Variants in SPOCK3 observed in about 807,000 individuals in gnomAD.
SPOCK3 encodes SPARC (osteonectin), cwcv and kazal like domains proteoglycan 3.
A neutral mutation model predicts 56.6 loss-of-function variants in SPOCK3; 30 were observed. The ratio of observed to expected loss-of-function variants is 0.53; its 90% CI spans 0.40 to 0.72. SPOCK3 has a LOEUF of 0.72. Among genes scored for constraint, SPOCK3 ranks in the 30% least tolerant of loss-of-function variants. SPOCK3 has a pLI of 0.00. For missense variants in SPOCK3, 527 were observed against 530.0 expected (o/e 0.99, Z 0.06); for synonymous variants, 196 against 183.3 (o/e 1.07, Z -0.56).
chr4:167,057,712 G>A (rs1755062173), intron 3 of SPOCK3, among the ~76,000 whole-genome samples: 1 of 152,044 alleles, frequency 6.6e-6, no homozygotes, highest in Non-Finnish European at 1.5e-5. Context: ...AATGGTAAAG[G>A]GATCAATTCA....
chr4:167,177,483 G>A (rs149890524), intron 2 of SPOCK3, among the ~76,000 whole-genome samples: 92 of 152,148 alleles, frequency 6.0e-4, no homozygotes, highest in Non-Finnish European at 1.0e-3. Flanking sequence ...AGGGATGTAC[G>A]TGGAGAATCA....
intron 6 of SPOCK3, among the ~76,000 whole-genome samples, chr4:166,818,261 A>G (rs1315620341): frequency 6.6e-6 from 1 of 151,378 alleles, no homozygotes; most frequent in Non-Finnish European, 1.5e-5. Context: ...GTGTGTGTGT[A>G]TTATTATGTG....
Position 166,967,672 on chromosome 4 carries a change from T to C in SPOCK3, c.350+32677A>G, listed in dbSNP as rs192758954. On this transcript the variant is annotated intron_variant, in intron 4 of 10. Transcript: ENST00000357545. ...AAGCCAACTAAACCTCCTTTCTTCA[T>C]AAATTGCCCACTCTTGGGTAATTCT... 2.9e-3 allele frequency among the ~76,000 whole-genome samples: 437 copies of C among 152,326 alleles called. 1 individual carries two copies. The highest frequency in any genetic ancestry group is 5.4e-3 in the Non-Finnish European group (365 of 68,028).
intron 2 of SPOCK3, among the ~76,000 whole-genome samples, chr4:167,198,647 A>AT (rs1733204411): frequency 6.6e-6 from 1 of 152,186 alleles, no homozygotes; most frequent in East Asian, 1.9e-4. Flanking sequence ...TTTTTCTTTT[A>AT]TTTTGTAACG....
intron 4 of SPOCK3, among the ~76,000 whole-genome samples, chr4:166,975,579 T>C (rs113751261): frequency 6.6e-6 from 1 of 152,316 alleles, no homozygotes; most frequent in East Asian, 1.9e-4. Flanking sequence ...TGTTGTGCTA[T>C]CAAATATTTA....
chr4:167,108,605 A>T (rs1042759891), intron 2 of SPOCK3, among the ~76,000 whole-genome samples: 1 of 151,726 alleles, frequency 6.6e-6, no homozygotes, highest in Non-Finnish European at 1.5e-5. Flanking sequence ...GATAAAAATT[A>T]AAACAATTGA....
chr4:166,764,273 G>A (rs1003912971), intron 7 of SPOCK3, among the ~76,000 whole-genome samples: 2 of 152,066 alleles, frequency 1.3e-5, no homozygotes, highest in Non-Finnish European at 2.9e-5. Flanking sequence ...CATGTACCAT[G>A]TTGGTGTGCG....
At chr4:167,060,516 A>G (rs776247461) in intron 3 of SPOCK3, among the ~76,000 whole-genome samples, 12 of 152,072 alleles carry the variant, frequency 7.9e-5, no homozygotes, top group Non-Finnish European at 1.6e-4. Context: ...AAATACACAT[A>G]TCTCAATCTA....
At chr4:167,085,540 T>G (rs574955324) in intron 2 of SPOCK3, among the ~76,000 whole-genome samples, 1 of 152,288 alleles carries the variant, frequency 6.6e-6, no homozygotes, top group East Asian at 1.9e-4. Flanking sequence ...GTAATTTTTC[T>G]TTTAATGAGG....
chr4:166,989,036 G>A (rs1331343162), intron 4 of SPOCK3, among the ~76,000 whole-genome samples: 2 of 151,972 alleles, frequency 1.3e-5, no homozygotes, highest in African/African-American at 2.4e-5. Context: ...TCAGTCAACC[G>A]AATGCTAAAA....
At chr4:167,013,203 A>G (rs540487488) in intron 3 of SPOCK3, among the ~76,000 whole-genome samples, 1 of 152,130 alleles carries the variant, frequency 6.6e-6, no homozygotes. Flanking sequence ...ATTTATTTCA[A>G]TGATATCTTA....
In SPOCK3 at chr4:166,735,014, G is replaced by A. The variant is rs147816230; in HGVS notation, c.1209C>T (p.Asp403=). The A allele has an allele frequency of 9.0e-5, 140 of 1,562,278 alleles. No individual in the cohort carries two copies. In the African/African-American group the frequency reaches 1.2e-3, roughly 13 times the overall value. The change falls in exon 11 of 11, where the codon GAC becomes GAT. Residue 403 remains aspartate (D), a synonymous_variant. Coordinates refer to ENST00000357545, the MANE Select transcript of SPOCK3 (RefSeq NM_001040159.2). ...TTTCATCTTCATCATTCATAATATC[G>A]TCTTCATCATCCTCATCATCAGTCC... ...HEWTDDEDDE[D]DIMNDEDEIE...
At chr4:167,047,193 G>A (rs190063321) in intron 3 of SPOCK3, among the ~76,000 whole-genome samples, 3 of 152,158 alleles carry the variant, frequency 2.0e-5, no homozygotes, top group African/African-American at 7.2e-5. Context: ...GGAAAGTAGA[G>A]CTTGAGTTTG....
chr4:166,975,622 G>A (rs546605636), intron 4 of SPOCK3, among the ~76,000 whole-genome samples: 1 of 151,830 alleles, frequency 6.6e-6, no homozygotes, highest in South Asian at 2.1e-4. Context: ...TGTATTTTTT[G>A]TACCCATTAA....
chr4:166,899,578 C>T (rs1028769838), intron 5 of SPOCK3, among the ~76,000 whole-genome samples: 2 of 145,692 alleles, frequency 1.4e-5, no homozygotes, highest in Middle Eastern at 4.0e-3. Flanking sequence ...ATGATCTCAG[C>T]TTACTGCAAC....
chr4:166,807,443 C>T (rs1257440038), intron 6 of SPOCK3, among the ~76,000 whole-genome samples: 1 of 152,078 alleles, frequency 6.6e-6, no homozygotes, highest in Non-Finnish European at 1.5e-5. Context: ...GCGTGGAGCA[C>T]TGAGAGCTTC....
intron 2 of SPOCK3, among the ~76,000 whole-genome samples, chr4:167,145,529 G>A (rs1048648255): frequency 6.6e-6 from 1 of 151,910 alleles, no homozygotes; most frequent in African/African-American, 2.4e-5. Flanking sequence ...GAAATGAAAA[G>A]GAACCAAGAA....
At chr4:166,925,688 A>T (rs1306347164) in intron 4 of SPOCK3, among the ~76,000 whole-genome samples, 7 of 148,842 alleles carry the variant, frequency 4.7e-5, no homozygotes, top group Non-Finnish European at 9.0e-5. Flanking sequence ...TTTTTTTTTT[A>T]AATATTTACA....
At chr4:167,057,058 G>A (rs1027780896) in intron 3 of SPOCK3, among the ~76,000 whole-genome samples, 35 of 152,286 alleles carry the variant, frequency 2.3e-4, no homozygotes, top group Admixed American at 7.2e-4. Flanking sequence ...TACCCACAAA[G>A]GGAAGCCCAT....
Sources: gnomAD v4.1 joint callset for allele counts (sites outside exome capture counted in the v4.1 genomes callset) on GRCh38, gnomAD v4.1.1 for gene constraint, MANE v1.5 for transcripts, NCBI Gene and HGNC (gene_info 2026-07-23, HGNC 2026-07-21) for gene names.